Variants in PDE4B observed in about 807,000 individuals in gnomAD.
The protein encoded by PDE4B is phosphodiesterase 4B, also known as 3',5'-cyclic-AMP phosphodiesterase 4B.
A neutral mutation model predicts 82.2 loss-of-function variants in PDE4B; 20 were observed. The ratio of observed to expected loss-of-function variants is 0.24; its 90% CI spans 0.17 to 0.35. The LOEUF (loss-of-function observed/expected upper bound fraction) is 0.35, where lower values mean the gene tolerates loss of function less well. Among genes scored for constraint, PDE4B ranks in the 10% least tolerant of loss-of-function variants. PDE4B has a pLI of 1.00. For synonymous variants in PDE4B, 320 were observed against 318.9 expected (o/e 1.00, Z -0.04); for missense variants, 655 against 907.2 (o/e 0.72, Z 3.57).
At chr1:66,090,737 A>ACATATCTACATATGTG (rs142862688) in intron 3 of PDE4B, among the ~76,000 whole-genome samples, 1 of 143,816 alleles carries the variant, frequency 7.0e-6, no homozygotes, top group Non-Finnish European at 1.5e-5. Flanking sequence ...ATGTATGTAT[A>ACATATCTACATATGTG]TATACATATA....
intron 6 of PDE4B, among the ~76,000 whole-genome samples, chr1:66,264,785 T>C (rs1406928807): frequency 1.3e-5 from 2 of 152,232 alleles, no homozygotes; most frequent in East Asian, 1.9e-4. Context: ...AAGACTCTTC[T>C]TTAGCAACAA....
intron 3 of PDE4B, among the ~76,000 whole-genome samples, chr1:66,204,762 T>G (rs919675840): frequency 3.3e-5 from 5 of 152,216 alleles, no homozygotes; most frequent in African/African-American, 1.2e-4. Flanking sequence ...TTTCTTTGAC[T>G]AGGAAAGGGA....
At chr1:66,253,857 C>T (rs1653980554) in intron 4 of PDE4B, among the ~76,000 whole-genome samples, 1 of 152,158 alleles carries the variant, frequency 6.6e-6, no homozygotes, top group South Asian at 2.1e-4. Flanking sequence ...CAATGCTGGG[C>T]ATCTGTAAAA....
chr1:66,078,371 T>C (rs1348799599), intron 3 of PDE4B, among the ~76,000 whole-genome samples: 2 of 151,802 alleles, frequency 1.3e-5, no homozygotes, highest in African/African-American at 4.8e-5. Context: ...TAATTATTAT[T>C]ATTATTTTTT....
At chr1:66,198,337 A>AT (rs1244364055) in intron 3 of PDE4B, among the ~76,000 whole-genome samples, 1 of 152,082 alleles carries the variant, frequency 6.6e-6, no homozygotes, top group Admixed American at 6.6e-5. Context: ...TTTTTAAAAT[A>AT]TTTTTTCTAT....
At chr1:65,808,294 C>T (rs924559630) in intron 1 of PDE4B, among the ~76,000 whole-genome samples, 1 of 151,766 alleles carries the variant, frequency 6.6e-6, no homozygotes, top group Non-Finnish European at 1.5e-5. Flanking sequence ...GCCTCAACCT[C>T]CCAAGTAGCT....
At chr1:65,833,000 T>C (rs534316240) in intron 1 of PDE4B, among the ~76,000 whole-genome samples, 2 of 152,316 alleles carry the variant, frequency 1.3e-5, no homozygotes, top group African/African-American at 2.4e-5. Context: ...CTTTCTATGA[T>C]GAATGAAAGT....
intron 12 of PDE4B, among the ~76,000 whole-genome samples, chr1:66,365,156 A>T (rs1045261979): frequency 5.9e-5 from 9 of 152,238 alleles, no homozygotes; most frequent in Admixed American, 3.9e-4. Context: ...TACTGAATGA[A>T]TGAATAATAT....
At chr1:66,321,397 A>G (rs1659393120) in intron 7 of PDE4B, among the ~76,000 whole-genome samples, 1 of 152,210 alleles carries the variant, frequency 6.6e-6, no homozygotes. Context: ...ACATGGTTGT[A>G]GCTATCATCA....
intron 1 of PDE4B, among the ~76,000 whole-genome samples, chr1:65,862,950 A>G (rs1301286748): frequency 6.6e-6 from 1 of 151,768 alleles, no homozygotes; most frequent in Non-Finnish European, 1.5e-5. Flanking sequence ...TTTTCTTATT[A>G]TTCTGTGTAG....
intron 1 of PDE4B, among the ~76,000 whole-genome samples, chr1:65,826,511 G>A (rs1434459121): frequency 2.0e-5 from 3 of 152,110 alleles, no homozygotes; most frequent in Non-Finnish European, 2.9e-5. Flanking sequence ...AGATTAGAAT[G>A]AATCCTAAGA....
rs527488989 is a variant in PDE4B at position 66,199,418 on chromosome 1, A to G, written c.282-48042A>G. 2.6e-5 allele frequency among the ~76,000 whole-genome samples: 4 copies of G among 152,204 alleles called. No individual in the cohort carries two copies. In the South Asian group the frequency reaches 8.3e-4, roughly 32 times the overall value. The stretch of plus-strand genomic sequence containing the variant: ...GCTGCATAAATGGCTTCTTTTGAGA[A>G]GTGTCTGTTCATATCCTTCGCCCAC... On this transcript the variant is annotated intron_variant, in intron 3 of 16. Transcript: ENST00000341517.
intron 13 of PDE4B, among the ~76,000 whole-genome samples, chr1:66,366,631 C>T (rs1010000728): frequency 6.6e-6 from 1 of 152,094 alleles, no homozygotes; most frequent in African/African-American, 2.4e-5. Context: ...ACACTGGGTC[C>T]TTTTACTTCA....
intron 3 of PDE4B, among the ~76,000 whole-genome samples, chr1:66,240,988 AC>A (rs1189666960): frequency 6.6e-6 from 1 of 152,194 alleles, no homozygotes; most frequent in African/African-American, 2.4e-5. Context: ...TTCCTGTGCT[AC>A]CTCTGGTTGA....
chr1:66,365,519 A>G, intron 12 of PDE4B, 148 bp from the exon 13 acceptor site: 1 of 533,040 alleles, frequency 1.9e-6, no homozygotes, highest in Non-Finnish European at 3.4e-6. Context: ...AACAGAATCT[A>G]CATTTACTTA....
At chr1:66,246,445 T>C (rs558967761) in intron 3 of PDE4B, among the ~76,000 whole-genome samples, 1 of 152,176 alleles carries the variant, frequency 6.6e-6, no homozygotes. Context: ...CTCAGCCCCA[T>C]ATCTTTTGTT....
chr1:66,088,111 A>G (rs1025524736), intron 3 of PDE4B, among the ~76,000 whole-genome samples: 1 of 152,104 alleles, frequency 6.6e-6, no homozygotes, highest in Non-Finnish European at 1.5e-5. Flanking sequence ...TTGGGTTGGA[A>G]GAACATTGCT....
intron 3 of PDE4B, among the ~76,000 whole-genome samples, chr1:66,070,175 G>A (rs1201875995): frequency 2.0e-5 from 3 of 152,016 alleles, no homozygotes; most frequent in Non-Finnish European, 4.4e-5. Context: ...ATAGCCACAG[G>A]TGGTCAGCTC....
chr1:66,231,747 C>T (rs1238233842), intron 3 of PDE4B, among the ~76,000 whole-genome samples: 1 of 152,222 alleles, frequency 6.6e-6, no homozygotes, highest in Non-Finnish European at 1.5e-5. Flanking sequence ...AAAATGAACT[C>T]ACATTGGTTA....
Sources: gnomAD v4.1 joint callset for allele counts (sites outside exome capture counted in the v4.1 genomes callset) on GRCh38, gnomAD v4.1.1 for gene constraint, MANE v1.5 for transcripts, NCBI Gene and HGNC (gene_info 2026-07-23, HGNC 2026-07-21) for gene names.